CEP290: variants seen among roughly 807,000 people sequenced by gnomAD.
CEP290 encodes the protein centrosomal protein 290, also known as centrosomal protein of 290 kDa.
In CEP290, 317 loss-of-function variants were observed where a neutral mutation model predicts 344.9. The ratio of observed to expected loss-of-function variants is 0.92; its 90% CI spans 0.84 to 1.01. The LOEUF is 1.01. Ranked by LOEUF, CEP290 falls within the 50% of genes least tolerant of loss-of-function variation. CEP290 has a pLI of 0.00. For missense variants in CEP290, 2,754 were observed against 2,761.4 expected, an observed-to-expected ratio of 1.00 and a Z score of 0.06; for synonymous variants, 932 against 895.8, an observed-to-expected ratio of 1.04 and a Z score of -0.72.
chr12:88,072,510 A>C (rs1048781497), intron 41 of CEP290, among the ~76,000 whole-genome samples: 1 of 152,170 alleles, frequency 6.6e-6, no homozygotes, highest in Non-Finnish European at 1.5e-5. Context: ...AAGACAAATA[A>C]AATTCTGGGA....
At chr12:88,085,118 G>GA (rs2036480744) in intron 34 of CEP290, among the ~76,000 whole-genome samples, 1 of 151,926 alleles carries the variant, frequency 6.6e-6, no homozygotes, top group Non-Finnish European at 1.5e-5. Context: ...ACTTTATTGA[G>GA]ATATTACAGT....
Position 88,083,234 on chromosome 12 carries a change from T to C in CEP290, c.4813-4A>G, listed in dbSNP as rs2036324053. On this transcript the variant is annotated splice_region_variant and splice_polypyrimidine_tract_variant and intron_variant, in intron 36 of 53. Transcript: ENST00000552810. ...TGGGAGACTGTTTCATTAAATCCTA[T>C]AAAATATGAATATATTAGCAATAGG... 9.8e-6 allele frequency: 14 copies of C among 1,435,570 alleles called. No individual in the cohort carries two copies. Among genetic ancestry groups the C allele is most frequent in the Non-Finnish European group, 1.3e-5 (14 of 1,089,792 alleles). 88.9% of individuals were successfully genotyped at this position (1,435,570 alleles called of 1,614,324 possible).
At chr12:88,091,433 TA>T (rs374470608) in intron 29 of CEP290, among the ~76,000 whole-genome samples, 19 of 149,114 alleles carry the variant, frequency 1.3e-4, no homozygotes, top group African/African-American at 4.7e-4. Context: ...AGCCTAATGG[TA>T]ATAAGTCCTT....
intron 45 of CEP290, among the ~76,000 whole-genome samples, 199 bp downstream of exon 45, chr12:88,063,782 C>T (rs567028655): frequency 6.6e-6 from 1 of 152,072 alleles, no homozygotes; most frequent in Non-Finnish European, 1.5e-5. Flanking sequence ...CTGCTGTTTC[C>T]CAGCATCTGG....
rs1305826157 is a variant in CEP290, at chr12:88,084,436, G to A, written c.4704+150C>T. 8.3e-6 allele frequency: 6 copies of A among 719,992 alleles called. No homozygotes were observed. In the African/African-American group the frequency reaches 1.1e-4, roughly 13 times the overall value. The allele number at this position is 719,992 out of a possible 1,614,324, so 44.6% of individuals were successfully genotyped here. On this transcript the variant is annotated intron_variant, in intron 35 of 53. Transcript: ENST00000552810. ...ACACAAACTTCCAGTTTTACTGACA[G>A]AGGTGTAATCCAATCACATGCAAGT...
intron 44 of CEP290, among the ~76,000 whole-genome samples, chr12:88,065,184 A>AT (rs1005272983): frequency 6.6e-5 from 10 of 151,684 alleles, no homozygotes; most frequent in African/African-American, 2.4e-4. Flanking sequence ...CACAACTTTC[A>AT]TTTTTTTCTC....
Position 88,087,963 on chromosome 12 carries a change from A to G in CEP290, c.4030-19T>C. On this transcript the variant is annotated intron_variant, in intron 31 of 53. Transcript: ENST00000552810. ...TGATTACCTAAGATTTACAATTTAT[A>G]TACACAAATATAAATGCTATATTAA... 2.0e-6 allele frequency: 2 copies of G among 983,328 alleles called. 1 individual carries two copies. The highest frequency in any genetic ancestry group is 1.0e-4 in the South Asian group (2 of 19,330). The allele number at this position is 983,328 out of a possible 1,614,324, so 60.9% of individuals were successfully genotyped here. A position where few individuals can be genotyped will look rare whatever the true frequency, so the allele number is the denominator to read the frequency against.
intron 41 of CEP290, among the ~76,000 whole-genome samples, chr12:88,075,293 A>G (rs150544514): frequency 6.6e-6 from 1 of 150,460 alleles, no homozygotes; most frequent in Non-Finnish European, 1.5e-5. Flanking sequence ...AAAACAGGTT[A>G]TGTTCTAGAC....
In CEP290 at chr12:88,089,025, T is replaced by C; in HGVS notation, c.4029+7A>G. On this transcript the variant is annotated splice_region_variant and intron_variant, in intron 31 of 53. Coordinates refer to ENST00000552810, the MANE Select transcript of CEP290 (RefSeq NM_025114.4). ...CTTAAAAAAAAAAATCAAGTTTAAATGTTTACCTTTTGGGCTCCTTTGGTA... is the reference window on the plus strand; with the variant it reads ...CTTAAAAAAAAAAATCAAGTTTAAACGTTTACCTTTTGGGCTCCTTTGGTA... 2 of 1,490,440 alleles carry C rather than the reference T, an allele frequency of 1.3e-6. No individual in the cohort carries two copies. Among genetic ancestry groups the C allele is most frequent in the African/African-American group, 1.4e-5 (1 of 71,084 alleles). 92.3% of individuals were successfully genotyped at this position (1,490,440 alleles called of 1,614,324 possible).
At chr12:88,125,165 G>A in intron 13 of CEP290, 81 bp downstream of exon 13, 1 of 462,920 alleles carries the variant, frequency 2.2e-6, no homozygotes, top group Non-Finnish European at 3.4e-6. Context: ...ACTCAATATT[G>A]ACTTGACATT....
chr12:88,085,200 C>A (rs1048141413), intron 34 of CEP290, among the ~76,000 whole-genome samples: 1 of 151,820 alleles, frequency 6.6e-6, no homozygotes, highest in African/African-American at 2.4e-5. Flanking sequence ...TTATTTTGGT[C>A]CATTGACTAG....
At chr12:88,106,959 C>T (rs1335046792) in intron 24 of CEP290, 37 bp downstream of exon 24, 2 of 1,547,342 alleles carry the variant, frequency 1.3e-6, no homozygotes, top group African/African-American at 1.4e-5. Context: ...CTACTTTGTA[C>T]AATATTGCAT....
intron 13 of CEP290, among the ~76,000 whole-genome samples, chr12:88,121,391 A>G (rs563885421): frequency 6.6e-6 from 1 of 152,300 alleles, no homozygotes; most frequent in Non-Finnish European, 1.5e-5. Context: ...ATGGATTTTA[A>G]AAGGTTGCAA....
chr12:88,077,930 A>T lies in CEP290; in HGVS notation c.5365-12T>A. On this transcript the variant is annotated splice_polypyrimidine_tract_variant and intron_variant, in intron 39 of 53. Transcript: ENST00000552810. ...TCTTCAACTTGTGTCTAATAAGAGA[A>T]AAAGAAAGGTATTATTCATGACTCT... 1.7e-6 allele frequency: 2 copies of T among 1,146,594 alleles called. No homozygotes were observed. The highest frequency in any genetic ancestry group is 2.5e-6 in the Non-Finnish European group (2 of 811,090). 71.0% of individuals were successfully genotyped at this position (1,146,594 alleles called of 1,614,324 possible). A position where few individuals can be genotyped will look rare whatever the true frequency, so the allele number is the denominator to read the frequency against.
At chr12:88,111,940 T>C (rs1465272092) in intron 20 of CEP290, 82 bp from the exon 21 acceptor site, 2 of 1,012,482 alleles carry the variant, frequency 2.0e-6, no homozygotes, top group East Asian at 3.1e-5. Flanking sequence ...TTAAATAAAA[T>C]GGACATTTAA....
rs549366190 is a variant in CEP290, at chr12:88,052,028, ATTTG to A, written c.7130-1599_7130-1596del. Among the ~76,000 whole-genome samples the A allele has an allele frequency of 2.5e-4, 38 of 152,290 alleles. No individual in the cohort carries two copies. The South Asian group carries it at 7.7e-3, about 31-fold the overall frequency. ...GGGAATGGTTACTTAACCACTTTGA[ATTTG>A]TTTATCACATAAAATGGAGACAGTA... is the stretch of plus-strand genomic sequence containing the variant. On this transcript the variant is annotated intron_variant, in intron 52 of 53. Transcript: ENST00000552810.
chr12:88,068,698 T>C, intron 43 of CEP290, 53 bp from the exon 44 acceptor site: 2 of 1,517,590 alleles, frequency 1.3e-6, no homozygotes, highest in Non-Finnish European at 8.8e-7. Flanking sequence ...CTTTTTTCTG[T>C]TGTACTATAT....
At chr12:88,136,483 T>C (rs1164596162) in intron 6 of CEP290, 160 bp downstream of exon 6, 1 of 662,758 alleles carries the variant, frequency 1.5e-6, no homozygotes, top group African/African-American at 1.8e-5. Context: ...TATTTTAAAA[T>C]TGGTGATGAC....
chr12:88,114,346 TG>T (rs777304221), intron 20 of CEP290, 73 bp downstream of exon 20: 2 of 1,148,730 alleles, frequency 1.7e-6, no homozygotes, highest in Non-Finnish European at 1.2e-6. Context: ...TCAGAAACTA[TG>T]GAGATCTGTA....
Sources: gnomAD v4.1 joint callset for allele counts (sites outside exome capture counted in the v4.1 genomes callset) on GRCh38, gnomAD v4.1.1 for gene constraint, MANE v1.5 for transcripts, NCBI Gene and HGNC (gene_info 2026-07-23, HGNC 2026-07-21) for gene names.